RASEF: variants seen among roughly 807,000 people sequenced by gnomAD.
RASEF encodes RAS and EF-hand domain containing.
A neutral mutation model predicts 90.1 loss-of-function variants in RASEF; 68 were observed. The observed-to-expected ratio is 0.75, with a 90% CI of 0.62 to 0.92. RASEF has a LOEUF of 0.92. Among genes scored for constraint, RASEF ranks in the 40% least tolerant of loss-of-function variants. The pLI, the probability that RASEF is intolerant of heterozygous loss-of-function variation, is 0.00. For synonymous variants in RASEF, 331 were observed against 345.2 expected (o/e 0.96, Z 0.46); for missense variants, 949 against 937.2 (o/e 1.01, Z -0.16).
At chr9:83,198,704 C>A in the RASEF span, among the ~76,000 whole-genome samples, 8 of 152,086 alleles carry the variant, frequency 5.3e-5, no homozygotes, top group Non-Finnish European at 1.2e-4. Flanking sequence ...TCGCTCTCAG[C>A]GACCACTCCA....
chr9:83,095,679 A>G, the RASEF span, among the ~76,000 whole-genome samples: 3 of 151,956 alleles, frequency 2.0e-5, no homozygotes, highest in Admixed American at 2.0e-4. Context: ...AACCCTCTTT[A>G]CGGCTGAGTG....
chr9:83,214,116 C>T, the RASEF span, among the ~76,000 whole-genome samples: 7 of 152,246 alleles, frequency 4.6e-5, no homozygotes, highest in South Asian at 2.1e-4. Context: ...TTAATTAAGT[C>T]GGGCACAGTG....
chr9:83,008,891 C>CATATAT (rs56810511), intron 6 of RASEF, among the ~76,000 whole-genome samples: 271 of 19,526 alleles, frequency 0.014, 15 homozygotes, highest in Middle Eastern at 0.05. Flanking sequence ...AAGTTCTCAT[C>CATATAT]ATATATATAT....
At chr9:83,206,356 T>C in the RASEF span, among the ~76,000 whole-genome samples, 2 of 152,230 alleles carry the variant, frequency 1.3e-5, no homozygotes, top group South Asian at 4.1e-4. Flanking sequence ...TTCTATTTTC[T>C]AATGCTGGGT....
At chr9:83,081,496 G>C in the RASEF span, among the ~76,000 whole-genome samples, 1 of 152,056 alleles carries the variant, frequency 6.6e-6, no homozygotes, top group African/African-American at 2.4e-5. Context: ...TGGAGACACT[G>C]GTTTCTATTG....
chr9:83,161,841 G>C, the RASEF span, among the ~76,000 whole-genome samples: 1 of 151,994 alleles, frequency 6.6e-6, no homozygotes, highest in East Asian at 1.9e-4. Flanking sequence ...AGTCTTAGGA[G>C]ATCTGATAGT....
intron 2 of RASEF, among the ~76,000 whole-genome samples, chr9:83,023,909 A>T (rs1031790358): frequency 2.0e-5 from 3 of 152,174 alleles, no homozygotes; most frequent in Admixed American, 6.5e-5. Context: ...CTTCTTTTGT[A>T]AATCAGGGTG....
chr9:83,128,230 C>G, the RASEF span, among the ~76,000 whole-genome samples: 4 of 151,882 alleles, frequency 2.6e-5, no homozygotes, highest in African/African-American at 9.7e-5. Flanking sequence ...ATAGTGACAA[C>G]GGCAGGAGGC....
At chr9:83,212,143 A>G in the RASEF span, among the ~76,000 whole-genome samples, 2 of 152,198 alleles carry the variant, frequency 1.3e-5, no homozygotes, top group African/African-American at 4.8e-5. Flanking sequence ...CAACAAAATA[A>G]TAACAGTAGC....
chr9:83,216,699 T>G, the RASEF span, among the ~76,000 whole-genome samples: 1 of 152,176 alleles, frequency 6.6e-6, no homozygotes, highest in Non-Finnish European at 1.5e-5. Flanking sequence ...ACTGGGGCAC[T>G]GCCTAGTGGA....
chr9:82,997,188 T>G, intron 13 of RASEF, 62 bp from the exon 14 acceptor site: 3 of 1,054,148 alleles, frequency 2.8e-6, no homozygotes, highest in Non-Finnish European at 4.5e-6. Context: ...TTCTCTTTTA[T>G]GCTCATTTTT....
chr9:83,005,315 T>C, intron 8 of RASEF, 101 bp downstream of exon 8: 1 of 809,430 alleles, frequency 1.2e-6, no homozygotes. Flanking sequence ...TTATAAGGAC[T>C]TACTTGAGGC....
At chr9:83,121,409 C>A in the RASEF span, among the ~76,000 whole-genome samples, 30 of 152,262 alleles carry the variant, frequency 2.0e-4, no homozygotes, top group East Asian at 4.4e-3. Context: ...CTATTGCTTT[C>A]ATCTGATTCT....
chr9:83,159,634 A>G, the RASEF span, among the ~76,000 whole-genome samples: 36 of 152,338 alleles, frequency 2.4e-4, no homozygotes, highest in Non-Finnish European at 4.9e-4. Context: ...ATAATTTTAT[A>G]TTCTATGTTG....
the RASEF span, among the ~76,000 whole-genome samples, chr9:83,149,986 C>G: frequency 1.3e-5 from 2 of 152,166 alleles, no homozygotes; most frequent in African/African-American, 4.8e-5. Flanking sequence ...ATTTCAGACA[C>G]GATTAGTGAG....
chr9:83,060,375 G>A (rs1290531618), intron 1 of RASEF, among the ~76,000 whole-genome samples: 2 of 152,214 alleles, frequency 1.3e-5, no homozygotes, highest in Non-Finnish European at 2.9e-5. Flanking sequence ...ACAATACAGG[G>A]AGTTTCCTAC....
At chr9:83,013,493 G>A (rs1391453230) in intron 4 of RASEF, among the ~76,000 whole-genome samples, 1 of 152,156 alleles carries the variant, frequency 6.6e-6, no homozygotes, top group Admixed American at 6.5e-5. Context: ...AAAAACCATC[G>A]GGAAAAAATG....
At chr9:82,999,406 T>C (rs1231814133) in intron 12 of RASEF, among the ~76,000 whole-genome samples, 2 of 151,998 alleles carry the variant, frequency 1.3e-5, no homozygotes, top group East Asian at 3.9e-4. Flanking sequence ...TCCCTAAACT[T>C]CTTTTTTGTA....
intron 15 of RASEF, among the ~76,000 whole-genome samples, chr9:82,991,120 CA>C (rs1257890787): frequency 2.0e-5 from 3 of 152,102 alleles, no homozygotes; most frequent in Non-Finnish European, 4.4e-5. Flanking sequence ...ACTCATCCCC[CA>C]CTCACTCACA....
Sources: allele counts gnomAD v4.1 joint callset (sites outside exome capture counted in the v4.1 genomes callset), GRCh38; gene constraint gnomAD v4.1.1; transcripts MANE v1.5; gene names NCBI Gene and HGNC (gene_info 2026-07-23, HGNC 2026-07-21).